The following PARD6G variants were observed in gnomAD, a reference collection of about 807,000 sequenced individuals.
The protein encoded by PARD6G is partitioning defective 6 homolog gamma.
Under a neutral mutation model 10.7 loss-of-function variants are expected in PARD6G, and 7 were observed. The ratio of observed to expected loss-of-function variants is 0.66; its 90% CI spans 0.37 to 1.23. The LOEUF (loss-of-function observed/expected upper bound fraction) is 1.23, where lower values mean the gene tolerates loss of function less well. Among genes scored for constraint, PARD6G ranks in the 50% most tolerant of loss-of-function variants. The probability of loss-of-function intolerance (pLI) is 0.02; values close to 1 mark genes in which losing one functional copy is unlikely to be tolerated. For synonymous variants in PARD6G, 287 were observed against 269.4 expected, an observed-to-expected ratio of 1.07 and a Z score of -0.64; for missense variants, 548 against 571.8, an observed-to-expected ratio of 0.96 and a Z score of 0.42.
rs148357307 is a variant in PARD6G, at chr18:80,181,099, G to A, written c.296-20493C>T. 5.5e-3 allele frequency among the ~76,000 whole-genome samples: 845 copies of A among 152,278 alleles called. 9 individuals carry two copies. The highest frequency in any genetic ancestry group is 0.019 in the African/African-American group (795 of 41,544). ...ATCTCGACATTAGAACATGGGCTGC[G>A]ACCGGAGAAGCAGCCTGCGGGGGTG... On this transcript the variant is annotated intron_variant, in intron 2 of 2. Transcript: ENST00000353265. The surrounding 1 kb of genome is among the most constrained non-coding windows in gnomAD (Gnocchi z 7.9).
rs566117224 is a variant in PARD6G at position 80,176,000 on chromosome 18, G to A, written c.296-15394C>T. ...CAAGTTCTGAGGGGCTTCCTGAGGA[G>A]GTGGCTTCCAAAAGGGAGAAGAGGC... On this transcript the variant is annotated intron_variant, in intron 2 of 2. Transcript: ENST00000353265. This position sits in a 1 kb window ranked among gnomAD's most constrained non-coding sequence, Gnocchi z 6.7. 18 of 167,556 alleles carry A rather than the reference G, an allele frequency of 1.1e-4. No homozygotes were observed. The highest frequency in any genetic ancestry group is 4.3e-4 in the African/African-American group (18 of 41,576). The allele number at this position is 167,556 out of a possible 1,614,324, so 10.4% of individuals were successfully genotyped here.
intron 2 of PARD6G, among the ~76,000 whole-genome samples, chr18:80,185,720 TCA>T: frequency 7.9e-6 from 1 of 127,210 alleles, no homozygotes; most frequent in East Asian, 2.4e-4. Flanking sequence ...ACATGCACCC[TCA>T]CACACGCATA....
chr18:80,225,112 G>A (rs1156939710), intron 1 of PARD6G, among the ~76,000 whole-genome samples: 1 of 152,180 alleles, frequency 6.6e-6, no homozygotes, highest in Non-Finnish European at 1.5e-5. Context: ...GTGCAGCTCT[G>A]GCTCAGAACC....
At chr18:80,177,773 T>C (rs1367859913) in intron 2 of PARD6G, among the ~76,000 whole-genome samples, 1 of 145,050 alleles carries the variant, frequency 6.9e-6, no homozygotes, top group East Asian at 2.1e-4. Context: ...ACCCACGAGA[T>C]AAATCAATGC....
chr18:80,240,067 A>G (rs1295832018), intron 1 of PARD6G, among the ~76,000 whole-genome samples: 1 of 152,200 alleles, frequency 6.6e-6, no homozygotes, highest in African/African-American at 2.4e-5. Flanking sequence ...CTCATAGAGC[A>G]AGAACTCACT....
intron 2 of PARD6G, among the ~76,000 whole-genome samples, chr18:80,166,411 C>A (rs1380604340): frequency 6.6e-6 from 1 of 151,530 alleles, no homozygotes. Flanking sequence ...CCATGGCAGA[C>A]ACTGCTGGTG....
intron 1 of PARD6G, among the ~76,000 whole-genome samples, chr18:80,204,642 T>A (rs1047170540): frequency 6.7e-6 from 1 of 148,746 alleles, no homozygotes; most frequent in Non-Finnish European, 1.5e-5. Context: ...CCTACAACAA[T>A]GGGACAATTC....
chr18:80,182,962 C>T lies in PARD6G; in HGVS notation c.295+19748G>A, dbSNP rs2052855468. On this transcript the variant is annotated intron_variant, in intron 2 of 2. Transcript: ENST00000353265. This position sits in a 1 kb window ranked among gnomAD's most constrained non-coding sequence, Gnocchi z 4.5. ...GCCCCACACCACGCAGCCAGACGCC[C>T]CTCCCAGTCCTCCTTCGTCCTGACG... 1 of 621,176 alleles carries T rather than the reference C, an allele frequency of 1.6e-6. No homozygotes were observed. Among genetic ancestry groups the T allele is most frequent in the Non-Finnish European group, 2.9e-6 (1 of 345,762 alleles). 38.5% of individuals were successfully genotyped at this position (621,176 alleles called of 1,614,324 possible). A position where few individuals can be genotyped will look rare whatever the true frequency, so the allele number is the denominator to read the frequency against.
intron 1 of PARD6G, among the ~76,000 whole-genome samples, chr18:80,209,655 T>C (rs1322926411): frequency 1.3e-5 from 2 of 151,590 alleles, no homozygotes; most frequent in Non-Finnish European, 2.9e-5. Context: ...TACAGAAAAG[T>C]ACAAAAATTA....
rs1017186175 is a variant in PARD6G, at chr18:80,158,073, A to G, written c.*1698T>C. 1.3e-5 allele frequency: 2 copies of G among 152,228 alleles called. No homozygotes were observed. Among genetic ancestry groups the G allele is most frequent in the Non-Finnish European group, 2.9e-5 (2 of 68,042 alleles). The allele number at this position is 152,228 out of a possible 1,614,324, so 9.4% of individuals were successfully genotyped here. On this transcript the variant is annotated 3_prime_UTR_variant, in exon 3 of 3. Transcript: ENST00000353265. The stretch of plus-strand genomic sequence containing the variant: ...GTAACATTTTATTCAAGCAAAACAC[A>G]TTATATAAAATTTAATTGTATCAAA...
Position 80,202,937 on chromosome 18 carries a change from A to G in PARD6G, c.73-5T>C, listed in dbSNP as rs1425639542. ...CCTTCGGAATTCCGCCCCAAACTACAATGCAAGAGACGGGGTGGGGGGAGG... is the reference window on the plus strand; with the variant it reads ...CCTTCGGAATTCCGCCCCAAACTACGATGCAAGAGACGGGGTGGGGGGAGG... On this transcript the variant is annotated splice_polypyrimidine_tract_variant and splice_region_variant and intron_variant, in intron 1 of 2. Coordinates refer to ENST00000353265, the MANE Select transcript of PARD6G (RefSeq NM_032510.4). 3.0e-6 allele frequency: 2 copies of G among 674,444 alleles called. No homozygotes were observed. The highest frequency in any genetic ancestry group is 4.5e-5 in the African/African-American group (2 of 44,500). 41.8% of individuals were successfully genotyped at this position (674,444 alleles called of 1,614,324 possible).
At chr18:80,240,274 C>T (rs1471071708) in intron 1 of PARD6G, among the ~76,000 whole-genome samples, 1 of 152,234 alleles carries the variant, frequency 6.6e-6, no homozygotes, top group Non-Finnish European at 1.5e-5. Context: ...ATAATCATCC[C>T]TTCTCAATAG....
chr18:80,216,139 AAATAGTTCAACAATAAATG>A (rs1967163288), intron 1 of PARD6G, among the ~76,000 whole-genome samples: 2 of 152,200 alleles, frequency 1.3e-5, no homozygotes, highest in Admixed American at 1.3e-4. Flanking sequence ...AAGGAGAAAT[AAATAGTTCAACAATAAATG>A]AACAGTTCAA....
At chr18:80,244,031 G>A (rs1452994967) in intron 1 of PARD6G, among the ~76,000 whole-genome samples, 2 of 152,136 alleles carry the variant, frequency 1.3e-5, no homozygotes, top group African/African-American at 4.8e-5. Flanking sequence ...TGCTAAGTTC[G>A]TAGTGGCACC....
intron 2 of PARD6G, among the ~76,000 whole-genome samples, chr18:80,174,848 A>G (rs1017983512): frequency 4.0e-5 from 6 of 151,860 alleles, no homozygotes; most frequent in Admixed American, 2.0e-4. Flanking sequence ...CAGCTACTCG[A>G]GAGGCTGAGG....
At chr18:80,194,618 AG>A (rs1966933530) in intron 2 of PARD6G, among the ~76,000 whole-genome samples, 2 of 151,966 alleles carry the variant, frequency 1.3e-5, no homozygotes, top group African/African-American at 4.8e-5. Flanking sequence ...TCCGTGGGGT[AG>A]GGGTGAGCTC....
chr18:80,240,113 G>A (rs1261861070), intron 1 of PARD6G, among the ~76,000 whole-genome samples: 1 of 152,190 alleles, frequency 6.6e-6, no homozygotes, highest in Non-Finnish European at 1.5e-5. Flanking sequence ...CATTCACGAG[G>A]GATCCACCTC....
chr18:80,244,447 TCC>T (rs1967521504), intron 1 of PARD6G, among the ~76,000 whole-genome samples: 2 of 152,116 alleles, frequency 1.3e-5, no homozygotes, highest in Non-Finnish European at 2.9e-5. Context: ...CAGGGTCCTG[TCC>T]CTAAGCACTG....
intron 1 of PARD6G, among the ~76,000 whole-genome samples, chr18:80,239,272 GC>G (rs1330630991): frequency 2.0e-5 from 3 of 152,252 alleles, no homozygotes; most frequent in East Asian, 3.9e-4. Context: ...CTCTGGTCCA[GC>G]CACCCCATTC....
Sources: allele counts gnomAD v4.1 joint callset (sites outside exome capture counted in the v4.1 genomes callset), GRCh38; gene constraint gnomAD v4.1.1; non-coding constraint Gnocchi (gnomAD v3.1); transcripts MANE v1.5; gene names NCBI Gene and HGNC (gene_info 2026-07-23, HGNC 2026-07-21).